ARHGAP32: variants seen among roughly 807,000 people sequenced by gnomAD.
ARHGAP32 encodes the protein rho GTPase-activating protein 32.
ARHGAP32 carries 51 observed loss-of-function variants against 186.5 expected under a neutral mutation model. The observed-to-expected ratio is 0.27, with a 90% confidence interval of 0.22 to 0.35. ARHGAP32 has a LOEUF of 0.35. Ranked by LOEUF, ARHGAP32 falls within the 10% of genes least tolerant of loss-of-function variation. The probability of loss-of-function intolerance (pLI) is 1.00; values close to 1 mark genes in which losing one functional copy is unlikely to be tolerated. For missense variants in ARHGAP32, 2,186 were observed against 2,623.5 expected, an observed-to-expected ratio of 0.83 and a Z score of 3.64; for synonymous variants, 950 against 964.3, an observed-to-expected ratio of 0.99 and a Z score of 0.27.
At chr11:128,991,150 A>G (rs1186459206) in intron 12 of ARHGAP32, among the ~76,000 whole-genome samples, 1 of 152,200 alleles carries the variant, frequency 6.6e-6, no homozygotes, top group African/African-American at 2.4e-5. Context: ...CCAAATAAGT[A>G]GGAAAACATT....
In ARHGAP32 at chr11:129,032,719, C is replaced by T. The variant is rs1010108906; in HGVS notation, c.1045+8209G>A. Among the ~76,000 whole-genome samples, 17 of 152,166 alleles carry T rather than the reference C, an allele frequency of 1.1e-4. 1 individual carries two copies. Among genetic ancestry groups the T allele is most frequent in the Admixed American group, 9.8e-4 (15 of 15,274 alleles). On this transcript the variant is annotated intron_variant, in intron 11 of 22. Transcript: ENST00000682385. ...AAGCAATACTGCAAAGAATATTCAT[C>T]TGGATGGAAAAAATATTTTTTAAAA...
intron 13 of ARHGAP32, 47 bp from the exon 14 acceptor site, chr11:128,986,715 C>A (rs553100685): frequency 5.7e-6 from 9 of 1,586,650 alleles, no homozygotes; most frequent in Non-Finnish European, 7.8e-6. Flanking sequence ...TTGAGGAGAG[C>A]AAATATGTGT....
chr11:129,200,075 G>T (rs960888856), intron 1 of ARHGAP32, among the ~76,000 whole-genome samples: 1 of 152,220 alleles, frequency 6.6e-6, no homozygotes, highest in South Asian at 2.1e-4. Context: ...TTCCCATTTG[G>T]AACAGCTGTA....
At chr11:129,113,410 G>C (rs574660034) in intron 5 of ARHGAP32, among the ~76,000 whole-genome samples, 1 of 152,070 alleles carries the variant, frequency 6.6e-6, no homozygotes, top group South Asian at 2.1e-4. Context: ...CATTCCTCTT[G>C]ATTAGGAATC....
Position 129,228,970 on chromosome 11 carries a change from T to C in ARHGAP32, c.-5+50176A>G, listed in dbSNP as rs560514743. Reference sequence around the variant, plus strand: ...CCACCTATGAAGGTACATTTGGCTATGCCCAATTCACATAAGGTTGTGAGT... The same window carrying C: ...CCACCTATGAAGGTACATTTGGCTACGCCCAATTCACATAAGGTTGTGAGT... On this transcript the variant is annotated intron_variant, in intron 1 of 6. Transcript: ENST00000525234. Among the ~76,000 whole-genome samples, 14 of 152,328 alleles carry C rather than the reference T, an allele frequency of 9.2e-5. 1 individual carries two copies. The highest frequency in any genetic ancestry group is 3.4e-4 in the African/African-American group (14 of 41,586).
intron 6 of ARHGAP32, among the ~76,000 whole-genome samples, chr11:129,092,925 G>C (rs1197284106): frequency 6.6e-6 from 1 of 151,948 alleles, no homozygotes; most frequent in Non-Finnish European, 1.5e-5. Context: ...AAAGAATGTA[G>C]AATAAGTGAA....
At chr11:128,997,018 A>G (rs1946220086) in intron 12 of ARHGAP32, among the ~76,000 whole-genome samples, 1 of 152,170 alleles carries the variant, frequency 6.6e-6, no homozygotes, top group African/African-American at 2.4e-5. Flanking sequence ...GGCGCAAGCT[A>G]TCTGCCTGCC....
chr11:129,208,121 C>T (rs1239850341), intron 1 of ARHGAP32, among the ~76,000 whole-genome samples: 1 of 152,094 alleles, frequency 6.6e-6, no homozygotes, highest in Non-Finnish European at 1.5e-5. Context: ...ATGTGAACTT[C>T]GAAATATCCT....
intron 1 of ARHGAP32, among the ~76,000 whole-genome samples, chr11:129,204,754 TAC>T (rs1944496031): frequency 6.6e-6 from 1 of 152,206 alleles, no homozygotes; most frequent in African/African-American, 2.4e-5. Context: ...CTTACAAAAT[TAC>T]AGGCATTTTT....
At chr11:129,238,801 A>C (rs1350927988) in intron 1 of ARHGAP32, among the ~76,000 whole-genome samples, 1 of 67,202 alleles carries the variant, frequency 1.5e-5, no homozygotes, top group Admixed American at 1.7e-4. Context: ...AAACATAATT[A>C]AGACTTCTGA....
chr11:128,980,826 C>G, intron 17 of ARHGAP32, 78 bp from the exon 18 acceptor site: 1 of 1,060,008 alleles, frequency 9.4e-7, no homozygotes, highest in Non-Finnish European at 1.4e-6. Flanking sequence ...ATCTCTCCAT[C>G]TATCTACCTA....
chr11:129,156,782 G>C (rs1372192481), intron 2 of ARHGAP32, among the ~76,000 whole-genome samples: 2 of 152,192 alleles, frequency 1.3e-5, no homozygotes, highest in East Asian at 3.9e-4. Context: ...CTCCTGACTG[G>C]GAAACATCTC....
intron 11 of ARHGAP32, among the ~76,000 whole-genome samples, chr11:129,006,254 G>A (rs576965453): frequency 1.0e-3 from 159 of 152,206 alleles, no homozygotes; most frequent in Admixed American, 1.6e-3. Context: ...GTGGGGTCAC[G>A]TTTTCCTGGA....
chr11:128,972,419 A>G lies in ARHGAP32; in HGVS notation c.4053+34T>C, dbSNP rs377303383. 6.6e-6 allele frequency: 10 copies of G among 1,504,930 alleles called. No individual in the cohort carries two copies. In the South Asian group the frequency reaches 8.4e-5, roughly 13 times the overall value. The allele number at this position is 1,504,930 out of a possible 1,614,324, so 93.2% of individuals were successfully genotyped here. A position where few individuals can be genotyped will look rare whatever the true frequency, so the allele number is the denominator to read the frequency against. On this transcript the variant is annotated intron_variant, in intron 22 of 22. Coordinates refer to ENST00000682385, the MANE Select transcript of ARHGAP32 (RefSeq NM_001378024.1). The stretch of plus-strand genomic sequence containing the variant: ...AAAGTGACATACCTTTGGTAATAGT[A>G]TATTTCATCTCACTGATATCTTCCC...
At chr11:128,975,428 G>GT (rs1357177355) in intron 20 of ARHGAP32, among the ~76,000 whole-genome samples, 13 of 151,720 alleles carry the variant, frequency 8.6e-5, no homozygotes, top group South Asian at 2.1e-4. Flanking sequence ...CAAAATGGAT[G>GT]TTTTTTTTGT....
intron 2 of ARHGAP32, among the ~76,000 whole-genome samples, chr11:129,141,332 G>A (rs536041866): frequency 6.6e-6 from 1 of 150,958 alleles, no homozygotes; most frequent in South Asian, 2.1e-4. Context: ...CGACATGGAT[G>A]AAGCTGGAAA....
intron 5 of ARHGAP32, among the ~76,000 whole-genome samples, chr11:129,120,540 T>C (rs537799678): frequency 6.6e-6 from 1 of 152,242 alleles, no homozygotes; most frequent in African/African-American, 2.4e-5. Context: ...CAACTGTGTC[T>C]TTCAGACTAA....
At chr11:129,278,983 C>T (rs909881053) in intron 1 of ARHGAP32, among the ~76,000 whole-genome samples, 23 of 145,310 alleles carry the variant, frequency 1.6e-4, no homozygotes, top group African/African-American at 5.5e-4. Context: ...GAGATGGGGC[C>T]GGGGGCGGGG....
chr11:129,081,182 T>G (rs1396733285), intron 6 of ARHGAP32, among the ~76,000 whole-genome samples: 1 of 151,990 alleles, frequency 6.6e-6, no homozygotes, highest in Non-Finnish European at 1.5e-5. Flanking sequence ...TATTAGACAT[T>G]CAAAGAAGAA....
Sources: allele counts gnomAD v4.1 joint callset (sites outside exome capture counted in the v4.1 genomes callset), GRCh38; gene constraint gnomAD v4.1.1; transcripts MANE v1.5; gene names NCBI Gene and HGNC (gene_info 2026-07-23, HGNC 2026-07-21).